The following MRPS6 variants were observed in gnomAD, a reference collection of about 807,000 sequenced individuals.
The protein encoded by MRPS6 is mitochondrial ribosomal protein S6.
Under a neutral mutation model 13.1 loss-of-function variants are expected in MRPS6, and 6 were observed. The ratio of observed to expected loss-of-function variants is 0.46; its 90% CI spans 0.25 to 0.91. MRPS6 has a LOEUF of 0.91. Ranked by LOEUF, MRPS6 falls within the 40% of genes least tolerant of loss-of-function variation. The pLI is 0.18. For synonymous variants in MRPS6, 61 were observed against 56.5 expected (o/e 1.08, Z -0.36); for missense variants, 164 against 155.6 (o/e 1.05, Z -0.29).
chr21:34,097,253 A>G, intron 1 of MRPS6: 2 of 1,614,076 alleles, frequency 1.2e-6, no homozygotes, highest in Non-Finnish European at 1.7e-6. Context: ...CTGTTTGTTT[A>G]CAGATGCTAG....
rs1989247073 is a variant in MRPS6 at position 34,073,762 on chromosome 21, C to T, written c.45+17C>T. 1.3e-5 allele frequency: 19 copies of T among 1,494,346 alleles called. No individual in the cohort carries two copies. Among genetic ancestry groups the T allele is most frequent in the Non-Finnish European group, 1.7e-5 (19 of 1,114,454 alleles). The allele number at this position is 1,494,346 out of a possible 1,614,324, so 92.6% of individuals were successfully genotyped here. A position where few individuals can be genotyped will look rare whatever the true frequency, so the allele number is the denominator to read the frequency against. On this transcript the variant is annotated intron_variant, in intron 1 of 2. Transcript: ENST00000399312. ...ATGCAGCGGGTAAGTGACCTTCCCT[C>T]AGAGCCGGTCTTCCCGCGCGGGCGC...
chr21:34,098,573 A>G (rs1473334080), intron 1 of MRPS6: 3 of 1,000,298 alleles, frequency 3.0e-6, no homozygotes, highest in African/African-American at 3.5e-5. Flanking sequence ...GGTAACAGAA[A>G]ACTCAGTGCA....
intron 1 of MRPS6, among the ~76,000 whole-genome samples, chr21:34,082,329 T>C (rs1989477572): frequency 6.6e-6 from 1 of 152,190 alleles, no homozygotes; most frequent in Non-Finnish European, 1.5e-5. Context: ...TATGTGCATT[T>C]AGGCTAAAAT....
chr21:34,102,238 G>A (rs1979271762), intron 1 of MRPS6: 2 of 999,732 alleles, frequency 2.0e-6, no homozygotes, highest in Non-Finnish European at 2.4e-6. Flanking sequence ...GGCTTTGCCA[G>A]TGGTGAGTCC....
intron 1 of MRPS6, among the ~76,000 whole-genome samples, chr21:34,112,208 T>A (rs1979728698): frequency 6.6e-6 from 1 of 152,220 alleles, no homozygotes; most frequent in Non-Finnish European, 1.5e-5. Context: ...CTCCATTTAT[T>A]CTTTGACTAG....
chr21:34,086,700 T>G lies in MRPS6; in HGVS notation c.45+12955T>G, dbSNP rs566668960. Among the ~76,000 whole-genome samples the G allele has an allele frequency of 1.7e-3, 256 of 152,310 alleles. 2 individuals carry two copies. The highest frequency in any genetic ancestry group is 6.8e-3 in the Middle Eastern group (2 of 294). On this transcript the variant is annotated intron_variant, in intron 1 of 2. Transcript: ENST00000399312. Reference sequence around the variant, plus strand: ...TCATGTCTGCCTCTTGGGGTTTTTGTTAGGATTAGATGAGCTCAAACATGT... The same window carrying G: ...TCATGTCTGCCTCTTGGGGTTTTTGGTAGGATTAGATGAGCTCAAACATGT...
intron 1 of MRPS6, among the ~76,000 whole-genome samples, chr21:34,085,372 T>A (rs1978328166): frequency 1.3e-5 from 2 of 152,292 alleles, no homozygotes; most frequent in East Asian, 3.9e-4. Context: ...AAGCAGTCAT[T>A]TGGTTAGGTG....
intron 1 of MRPS6, among the ~76,000 whole-genome samples, chr21:34,087,289 T>C (rs1419551220): frequency 1.8e-5 from 1 of 55,592 alleles, no homozygotes; most frequent in Non-Finnish European, 3.4e-5. Flanking sequence ...TTAATCTGCA[T>C]CTCTTGTTGC....
At chr21:34,117,759 A>T (rs1423295462) in intron 1 of MRPS6, among the ~76,000 whole-genome samples, 1 of 151,778 alleles carries the variant, frequency 6.6e-6, no homozygotes, top group Non-Finnish European at 1.5e-5. Context: ...TTGCCCTTTC[A>T]CTCCACATGC....
intron 1 of MRPS6, among the ~76,000 whole-genome samples, chr21:34,107,106 A>G (rs772595482): frequency 2.9e-4 from 44 of 151,952 alleles, no homozygotes; most frequent in Non-Finnish European, 5.4e-4. Flanking sequence ...TAATTTTTGT[A>G]CTTTTAGTAG....
chr21:34,080,438 T>A (rs1989433012), intron 1 of MRPS6, among the ~76,000 whole-genome samples: 1 of 152,158 alleles, frequency 6.6e-6, no homozygotes, highest in South Asian at 2.1e-4. Flanking sequence ...TACCTTTTAT[T>A]TTCTTTGGTG....
At chr21:34,127,647 A>G (rs570201848) in intron 2 of MRPS6, among the ~76,000 whole-genome samples, 23 of 152,336 alleles carry the variant, frequency 1.5e-4, no homozygotes, top group African/African-American at 5.5e-4. Flanking sequence ...GATAACGTTT[A>G]TGTGTCTGCA....
chr21:34,122,788 C>T lies in MRPS6; in HGVS notation c.46-2553C>T, dbSNP rs61224570. The stretch of plus-strand genomic sequence containing the variant: ...TGGGCTGTTCCTTTACCTTATCATA[C>T]GTTAATTGATGTAATGCCAGGTCAA... On this transcript the variant is annotated intron_variant, in intron 1 of 2. Transcript: ENST00000399312. 262 of 151,728 alleles carry T rather than the reference C, an allele frequency of 1.7e-3. 2 individuals carry two copies. The highest frequency in any genetic ancestry group is 6.1e-3 in the African/African-American group (252 of 41,336). The allele number at this position is 151,728 out of a possible 1,614,324, so 9.4% of individuals were successfully genotyped here.
chr21:34,093,502 A>G (rs1569415881), intron 1 of MRPS6, among the ~76,000 whole-genome samples: 1 of 152,138 alleles, frequency 6.6e-6, no homozygotes, highest in East Asian at 1.9e-4. Flanking sequence ...AAAGTTTCTA[A>G]TACTGTGGTC....
intron 1 of MRPS6, chr21:34,098,720 C>G (rs1479951013): frequency 4.0e-6 from 4 of 1,000,088 alleles, no homozygotes; most frequent in African/African-American, 1.7e-5. Flanking sequence ...TTATAGGACT[C>G]TAACTTGACA....
chr21:34,086,400 C>G (rs1602914320), intron 1 of MRPS6, among the ~76,000 whole-genome samples: 2 of 152,248 alleles, frequency 1.3e-5, no homozygotes, highest in South Asian at 4.1e-4. Flanking sequence ...CATCCCTGTA[C>G]TCATAGCCTG....
intron 1 of MRPS6, among the ~76,000 whole-genome samples, chr21:34,107,653 A>G (rs748592681): frequency 2.0e-5 from 3 of 152,188 alleles, no homozygotes; most frequent in Admixed American, 6.5e-5. Context: ...ACTGTACTCA[A>G]GAGCTTCCCC....
At chr21:34,088,650 G>A (rs1437262577) in intron 1 of MRPS6, among the ~76,000 whole-genome samples, 2 of 152,156 alleles carry the variant, frequency 1.3e-5, no homozygotes, top group East Asian at 3.9e-4. Flanking sequence ...AGTGATTAAG[G>A]GCAAAAGCTG....
chr21:34,092,791 A>C (rs1978772115), intron 1 of MRPS6, among the ~76,000 whole-genome samples: 1 of 152,166 alleles, frequency 6.6e-6, no homozygotes, highest in Admixed American at 6.6e-5. Context: ...ATGAAACCAG[A>C]AATACCCACT....
Sources: gnomAD v4.1 joint callset for allele counts (sites outside exome capture counted in the v4.1 genomes callset) on GRCh38, gnomAD v4.1.1 for gene constraint, MANE v1.5 for transcripts, NCBI Gene and HGNC (gene_info 2026-07-23, HGNC 2026-07-21) for gene names.